Variants in CXorf58 observed in about 807,000 individuals in gnomAD.
CXorf58 encodes chromosome X open reading frame 58.
A neutral mutation model predicts 26.0 loss-of-function variants in CXorf58; 24 were observed. The observed-to-expected ratio is 0.92, with a 90% CI of 0.67 to 1.30. The LOEUF is 1.30. Ranked by LOEUF, CXorf58 falls within the 50% of genes most tolerant of loss-of-function variation. The pLI is 0.00. For missense variants in CXorf58, 236 were observed against 263.9 expected (o/e 0.89, Z 0.73); for synonymous variants, 87 against 86.1 (o/e 1.01, Z -0.06).
At chrX:23,911,198 C>A (rs1257680638) in intron 2 of CXorf58, among the ~76,000 whole-genome samples, 1 of 110,605 alleles carries the variant, frequency 9.0e-6, no homozygotes, top group Non-Finnish European at 1.9e-5. Flanking sequence ...AGGAGGAGAC[C>A]CCTACAATCT....
At position 23,936,723 on chromosome X, in the gene CXorf58, C is replaced by T. The variant is rs764955945; in HGVS notation, c.785+1298C>T. 6.5e-4 allele frequency among the ~76,000 whole-genome samples: 72 copies of T among 111,495 alleles called. 1 individual carries two copies. Among genetic ancestry groups the T allele is most frequent in the South Asian group, 5.6e-3 (15 of 2,659 alleles). ...AGCAAACATGCTGGGGATTTTTTTT[C>T]AGGAGTAGAGATGAGTGATTCTGAC... On this transcript the variant is annotated intron_variant, in intron 7 of 8. Transcript: ENST00000379211.
At chrX:23,908,634 TG>T (rs1447332678) in intron 1 of CXorf58, among the ~76,000 whole-genome samples, 1 of 112,294 alleles carries the variant, frequency 8.9e-6, no homozygotes, top group Non-Finnish European at 1.9e-5. Flanking sequence ...TTGAAACCTG[TG>T]TTCTAGCCAA....
intron 3 of CXorf58, 74 bp downstream of exon 3, chrX:23,911,930 A>T (rs1221072285): frequency 1.4e-6 from 1 of 718,267 alleles, no homozygotes; most frequent in East Asian, 3.4e-5. Flanking sequence ...TAAAGATCGA[A>T]TAGATAACCT....
chrX:23,914,676 G>A (rs1395322802), intron 3 of CXorf58, among the ~76,000 whole-genome samples: 3 of 109,490 alleles, frequency 2.7e-5, no homozygotes, highest in East Asian at 2.9e-4. Flanking sequence ...ACCTGAAGTC[G>A]GGAGCTCGAG....
chrX:23,934,854 TTTTTC>T (rs890125467), intron 6 of CXorf58, among the ~76,000 whole-genome samples: 3 of 107,983 alleles, frequency 2.8e-5, no homozygotes, highest in Admixed American at 1.0e-4. Flanking sequence ...TTTTTTTCTC[TTTTTC>T]TTTTCTTTTC....
chrX:23,935,796 G>A (rs1216437372), intron 7 of CXorf58, among the ~76,000 whole-genome samples: 1 of 108,737 alleles, frequency 9.2e-6, no homozygotes, highest in African/African-American at 3.4e-5. Context: ...TTTTTGAGAC[G>A]GAGTCTCACT....
At chrX:23,932,606 G>A (rs1928187195) in intron 6 of CXorf58, among the ~76,000 whole-genome samples, 1 of 112,233 alleles carries the variant, frequency 8.9e-6, no homozygotes, top group Admixed American at 9.5e-5. Flanking sequence ...GATTCACAGT[G>A]ACCAGTCACT....
rs746073522 is a variant in CXorf58, at chrX:23,929,852, C to A, written c.555+2482C>A. ...GGGCTAATGCAGCTGGTAACTTTAA[C>A]TTAAAGCCAGTTCTCATTTACCATT... On this transcript the variant is annotated intron_variant, in intron 6 of 8. Coordinates refer to ENST00000379211, the MANE Select transcript of CXorf58 (RefSeq NM_152761.3). Among the ~76,000 whole-genome samples, 87 of 111,861 alleles carry A rather than the reference C, an allele frequency of 7.8e-4. 1 individual carries two copies. The highest frequency in any genetic ancestry group is 2.8e-3 in the African/African-American group (85 of 30,871).
chrX:23,908,737 A>G (rs1421966412), intron 1 of CXorf58, among the ~76,000 whole-genome samples: 1 of 112,204 alleles, frequency 8.9e-6, no homozygotes, highest in African/African-American at 3.2e-5. Context: ...AGCCCCATCC[A>G]GGCGAGCATC....
chrX:23,909,175 A>T (rs192043634), intron 1 of CXorf58, among the ~76,000 whole-genome samples: 17 of 112,672 alleles, frequency 1.5e-4, no homozygotes, highest in Non-Finnish European at 1.9e-5. Flanking sequence ...AACGTCACAC[A>T]TACATAAAAA....
chrX:23,930,196 CAAAAAAAAAAAA>C (rs752970734), intron 6 of CXorf58, among the ~76,000 whole-genome samples: 2 of 36,778 alleles, frequency 5.4e-5, no homozygotes, highest in Non-Finnish European at 8.6e-5. Flanking sequence ...GACTCTGTCT[CAAAAAAAAAAAA>C]AAAAAAAAAG....
rs144520418 is a variant in CXorf58 at position 23,924,925 on chromosome X, A to G, written c.424-2314A>G. 2.2e-3 allele frequency among the ~76,000 whole-genome samples: 248 copies of G among 111,661 alleles called. 1 individual carries two copies. The highest frequency in any genetic ancestry group is 6.7e-3 in the African/African-American group (206 of 30,804). On this transcript the variant is annotated intron_variant, in intron 5 of 8. Transcript: ENST00000379211. ...TGCTTATACAATCTCTAGAGCTCTT[A>G]CTATGTTGCTATAAGACAGTAATAT...
chrX:23,932,743 C>T (rs749774059), intron 6 of CXorf58, among the ~76,000 whole-genome samples: 37 of 111,762 alleles, frequency 3.3e-4, no homozygotes, highest in South Asian at 7.4e-4. Flanking sequence ...GCCTGTAATC[C>T]CAGCACTTTG....
Position 23,910,409 on chromosome X carries a change from C to T in CXorf58, c.107C>T (p.Ser36Leu), listed in dbSNP as rs1366211431. 4 of 1,104,013 alleles carry T rather than the reference C, an allele frequency of 3.6e-6. No homozygotes were observed. The African/African-American group carries it at 7.2e-5, about 20-fold the overall frequency. 91.0% of individuals were successfully genotyped at this position (1,104,013 alleles called of 1,213,427 possible). ...TTCGCAAATGCACGAAATGCAAGAT[C>T]ATTACTATCGTAAGTACCTGTGTTT... ...VHFANARNAR[S>L]LLSMLKDISA... The change falls in exon 2 of 9, where the codon TCA becomes TTA. Residue 36 changes from serine (S) to leucine (L), a missense_variant. Physicochemically the swap from Ser to Leu is moderately radical, Grantham distance 145. Coordinates refer to ENST00000379211, the MANE Select transcript of CXorf58 (RefSeq NM_152761.3).
chrX:23,915,800 G>T lies in CXorf58; in HGVS notation c.311+6G>T, dbSNP rs1254572176. On this transcript the variant is annotated splice_donor_region_variant and intron_variant, in intron 4 of 8. Coordinates refer to ENST00000379211, the MANE Select transcript of CXorf58 (RefSeq NM_152761.3). ...CAGTGTAAAATTAGATTCAGGTAATGTATCTATGCTGATTTATTTCAAGAA... is the reference window on the plus strand; with the variant it reads ...CAGTGTAAAATTAGATTCAGGTAATTTATCTATGCTGATTTATTTCAAGAA... 9.8e-7 allele frequency: 1 copy of T among 1,020,771 alleles called. No individual in the cohort carries two copies. The highest frequency in any genetic ancestry group is 1.4e-6 in the Non-Finnish European group (1 of 732,762). 84.1% of individuals were successfully genotyped at this position (1,020,771 alleles called of 1,213,427 possible). A position where few individuals can be genotyped will look rare whatever the true frequency, so the allele number is the denominator to read the frequency against.
chrX:23,934,288 G>GTAAAAAGAGTCGTAGA (rs376945021), intron 6 of CXorf58, among the ~76,000 whole-genome samples: 8,228 of 111,864 alleles, frequency 0.074, 658 homozygotes, highest in African/African-American at 0.23. Flanking sequence ...TGAGTAGTCA[G>GTAAAAAGAGTCGTAGA]AGAGAGATCC....
In CXorf58 at chrX:23,911,953, C is replaced by CTTTTTTT. The variant is rs746350773; in HGVS notation, c.216+107_216+113dup. 2.5e-4 allele frequency: 113 copies of CTTTTTTT among 443,765 alleles called. No homozygotes were observed. In the East Asian group the frequency reaches 2.7e-3, roughly 10 times the overall value. 36.6% of individuals were successfully genotyped at this position (443,765 alleles called of 1,213,427 possible). On this transcript the variant is annotated intron_variant, in intron 3 of 8. Coordinates refer to ENST00000379211, the MANE Select transcript of CXorf58 (RefSeq NM_152761.3). The stretch of plus-strand genomic sequence containing the variant: ...GAATAGATAACCTTCTTTATCTCCT[C>CTTTTTTT]TTTTTTTTTTTTTTTTGAGAGGGAG...
intron 4 of CXorf58, 91 bp from the exon 5 acceptor site, chrX:23,916,126 G>C (rs1250647400): frequency 3.9e-6 from 2 of 508,876 alleles, no homozygotes; most frequent in African/African-American, 2.4e-5. Context: ...CTGTATGCAA[G>C]AAACTATATG....
chrX:23,928,058 T>C (rs924843345), intron 6 of CXorf58, among the ~76,000 whole-genome samples: 8 of 111,893 alleles, frequency 7.1e-5, no homozygotes. Context: ...TATATGGCTT[T>C]TTATATGTAG....
Sources: allele counts gnomAD v4.1 joint callset (sites outside exome capture counted in the v4.1 genomes callset), GRCh38; gene constraint gnomAD v4.1.1; transcripts MANE v1.5; gene names NCBI Gene and HGNC (gene_info 2026-07-23, HGNC 2026-07-21).